The following RNGTT variants were observed in gnomAD, a reference collection of about 807,000 sequenced individuals.
The protein encoded by RNGTT is RNA guanylyltransferase and 5'-phosphatase, also known as mRNA-capping enzyme.
Under a neutral mutation model 79.3 loss-of-function variants are expected in RNGTT, and 33 were observed. That is an observed-to-expected ratio of 0.42 (90% confidence interval 0.32 to 0.56). The LOEUF is 0.56. Among genes scored for constraint, RNGTT ranks in the 20% least tolerant of loss-of-function variants. The probability of loss-of-function intolerance (pLI) is 0.17; values close to 1 mark genes in which losing one functional copy is unlikely to be tolerated. For missense variants in RNGTT, 497 were observed against 739.1 expected (o/e 0.67, Z 3.80); for synonymous variants, 222 against 235.9 (o/e 0.94, Z 0.54).
At chr6:88,713,759 A>T (rs1776401558) in intron 13 of RNGTT, among the ~76,000 whole-genome samples, 1 of 152,164 alleles carries the variant, frequency 6.6e-6, no homozygotes, top group African/African-American at 2.4e-5. Context: ...ATTGTCTTGT[A>T]TTACGGGCTT....
intron 1 of RNGTT, among the ~76,000 whole-genome samples, chr6:88,942,575 T>G (rs1364484863): frequency 3.9e-5 from 6 of 152,120 alleles, no homozygotes; most frequent in African/African-American, 9.7e-5. Flanking sequence ...TTTGCCATGT[T>G]GCCCAGGCTG....
At chr6:88,879,852 A>G (rs556008015) in intron 8 of RNGTT, among the ~76,000 whole-genome samples, 1 of 152,322 alleles carries the variant, frequency 6.6e-6, no homozygotes, top group East Asian at 1.9e-4. Context: ...ATGGGTTGTC[A>G]AACTATGATC....
chr6:88,893,133 G>A lies in RNGTT; in HGVS notation c.685-1218C>T, dbSNP rs188876470. Among the ~76,000 whole-genome samples the A allele has an allele frequency of 2.7e-3, 417 of 152,188 alleles. 1 individual carries two copies. The highest frequency in any genetic ancestry group is 4.7e-3 in the Non-Finnish European group (319 of 67,926). On this transcript the variant is annotated intron_variant, in intron 6 of 15. Coordinates refer to ENST00000369485, the MANE Select transcript of RNGTT (RefSeq NM_003800.5). ...GTACAACAGCTAAAGGAAAAAAAGA[G>A]TATTTTTAAAAGAAAGCTCAACCAG...
At position 88,778,721 on chromosome 6, in the gene RNGTT, C is replaced by T. The variant is rs567362071; in HGVS notation, c.1339-8847G>A. Reference sequence around the variant, plus strand: ...TAATCACAGGATTGCTTACTTCAAACGGAAGTCCATACAATGACGATTCAA... The same window carrying T: ...TAATCACAGGATTGCTTACTTCAAATGGAAGTCCATACAATGACGATTCAA... On this transcript the variant is annotated intron_variant, in intron 12 of 15. Transcript: ENST00000369485. Among the ~76,000 whole-genome samples, 21 of 152,174 alleles carry T rather than the reference C, an allele frequency of 1.4e-4. No individual in the cohort carries two copies. In the East Asian group the frequency reaches 1.9e-3, roughly 14 times the overall value.
intron 13 of RNGTT, among the ~76,000 whole-genome samples, chr6:88,685,210 G>A (rs1775231570): frequency 6.6e-6 from 1 of 152,108 alleles, no homozygotes; most frequent in Admixed American, 6.6e-5. Context: ...TACTGTAATG[G>A]TTGATATCAT....
intron 2 of RNGTT, among the ~76,000 whole-genome samples, chr6:88,934,732 C>A (rs987297753): frequency 1.3e-5 from 2 of 152,154 alleles, no homozygotes; most frequent in Non-Finnish European, 2.9e-5. Context: ...CCTTGACCTA[C>A]TGGGCTCAAG....
chr6:88,855,639 A>G (rs978216912), intron 8 of RNGTT, among the ~76,000 whole-genome samples: 2 of 152,172 alleles, frequency 1.3e-5, no homozygotes, highest in African/African-American at 4.8e-5. Flanking sequence ...GGCCCTTGCT[A>G]TAATAGCTGC....
At chr6:88,845,339 G>T (rs1376979424) in intron 10 of RNGTT, among the ~76,000 whole-genome samples, 2 of 152,136 alleles carry the variant, frequency 1.3e-5, no homozygotes, top group East Asian at 3.8e-4. Flanking sequence ...ACTTTCCCTT[G>T]AATGTTCTTA....
intron 13 of RNGTT, among the ~76,000 whole-genome samples, chr6:88,703,247 C>G (rs1336177914): frequency 6.6e-6 from 1 of 152,184 alleles, no homozygotes. Context: ...GACACACATA[C>G]TTGCATGTTC....
intron 13 of RNGTT, among the ~76,000 whole-genome samples, chr6:88,769,370 G>C (rs1778573214): frequency 1.3e-5 from 2 of 151,936 alleles, no homozygotes; most frequent in Non-Finnish European, 2.9e-5. Flanking sequence ...ATGTTGCCCA[G>C]GCTACTCTCA....
chr6:88,752,215 C>T (rs1341347163), intron 13 of RNGTT, among the ~76,000 whole-genome samples: 1 of 151,684 alleles, frequency 6.6e-6, no homozygotes, highest in Non-Finnish European at 1.5e-5. Context: ...AATTAAATGA[C>T]TTGGTTCAAA....
chr6:88,614,188 A>G, intron 15 of RNGTT, 84 bp downstream of exon 15: 1 of 1,377,144 alleles, frequency 7.3e-7, no homozygotes, highest in East Asian at 2.3e-5. Context: ...CCATTAAGCA[A>G]AACAACAAAG....
rs116810986 is a variant in RNGTT, at chr6:88,802,672, G to A, written c.1270-1040C>T. Among the ~76,000 whole-genome samples, 339 of 152,308 alleles carry A rather than the reference G, an allele frequency of 2.2e-3. 1 individual carries two copies. Among genetic ancestry groups the A allele is most frequent in the African/African-American group, 7.7e-3 (321 of 41,570 alleles). ...CTGGGGTGGCCTCACAGTCATGGCA[G>A]AAGGTGAAGGAGGAGCAAAGGCATG... On this transcript the variant is annotated intron_variant, in intron 11 of 15. Transcript: ENST00000369485.
chr6:88,782,043 G>A (rs537476331), intron 12 of RNGTT, among the ~76,000 whole-genome samples: 6 of 151,946 alleles, frequency 3.9e-5, no homozygotes, highest in East Asian at 3.9e-4. Context: ...CCACCTCCCC[G>A]TGCCCACTTA....
chr6:88,749,698 A>G (rs914169653), intron 13 of RNGTT, among the ~76,000 whole-genome samples: 2 of 152,176 alleles, frequency 1.3e-5, no homozygotes, highest in Admixed American at 6.6e-5. Flanking sequence ...AAGGAGAGAA[A>G]TACTGAAAGC....
intron 13 of RNGTT, among the ~76,000 whole-genome samples, chr6:88,684,487 G>A (rs111566048): frequency 0.034 from 5,145 of 152,264 alleles, 159 homozygotes; most frequent in East Asian, 0.088. Flanking sequence ...CAACCAAGAT[G>A]TCCTTGAATA....
At chr6:88,959,418 A>AT (rs1785541254) in intron 1 of RNGTT, among the ~76,000 whole-genome samples, 1 of 152,192 alleles carries the variant, frequency 6.6e-6, no homozygotes, top group Non-Finnish European at 1.5e-5. Context: ...CAGGATCTTA[A>AT]TATCTCCTCC....
intron 11 of RNGTT, among the ~76,000 whole-genome samples, chr6:88,843,320 T>C (rs1781365148): frequency 6.6e-6 from 1 of 151,998 alleles, no homozygotes; most frequent in Admixed American, 6.6e-5. Context: ...TAAACAAAAA[T>C]GTTCACTGAA....
intron 13 of RNGTT, among the ~76,000 whole-genome samples, chr6:88,685,433 A>G (rs1775240593): frequency 6.6e-6 from 1 of 152,126 alleles, no homozygotes; most frequent in Non-Finnish European, 1.5e-5. Flanking sequence ...ATAAATGTGG[A>G]AAAAGACCTA....
Sources: allele counts gnomAD v4.1 joint callset (sites outside exome capture counted in the v4.1 genomes callset), GRCh38; gene constraint gnomAD v4.1.1; transcripts MANE v1.5; gene names NCBI Gene and HGNC (gene_info 2026-07-23, HGNC 2026-07-21).